Variants in CFAP95 observed in about 807,000 individuals in gnomAD.
The protein encoded by CFAP95 is cilia- and flagella-associated protein 95.
the CFAP95 span, among the ~76,000 whole-genome samples, chr9:69,875,926 A>C: frequency 2.6e-5 from 4 of 152,222 alleles, no homozygotes; most frequent in South Asian, 4.1e-4. Flanking sequence ...AGGCCACAGT[A>C]ACTGTCATTA....
chr9:69,838,114 A>G, the CFAP95 span, among the ~76,000 whole-genome samples: 3 of 152,194 alleles, frequency 2.0e-5, no homozygotes, highest in African/African-American at 7.2e-5. Flanking sequence ...TACCAGTACC[A>G]TGCTGTTTTG....
chr9:69,838,208 A>G, the CFAP95 span, among the ~76,000 whole-genome samples: 2,121 of 152,182 alleles, frequency 0.014, 57 homozygotes, highest in African/African-American at 0.048. Flanking sequence ...TTGACTTGGC[A>G]ATGCGGGCTC....
chr9:69,829,739 A>G, the CFAP95 span, among the ~76,000 whole-genome samples: 1 of 152,188 alleles, frequency 6.6e-6, no homozygotes, highest in African/African-American at 2.4e-5. Flanking sequence ...GGAAGTTAGA[A>G]GAATGTGGGG....
chr9:69,865,462 C>CGAAA, the CFAP95 span, among the ~76,000 whole-genome samples: 1 of 152,236 alleles, frequency 6.6e-6, no homozygotes, highest in Non-Finnish European at 1.5e-5. Flanking sequence ...GTCTGGCCAG[C>CGAAA]TTTCTTCTTT....
At chr9:69,834,051 A>G in the CFAP95 span, among the ~76,000 whole-genome samples, 18 of 152,320 alleles carry the variant, frequency 1.2e-4, no homozygotes, top group East Asian at 1.7e-3. Flanking sequence ...AGCCAGTAAG[A>G]TTAAGACTAT....
the CFAP95 span, chr9:69,856,546 T>C: frequency 1.3e-6 from 2 of 1,555,360 alleles, no homozygotes; most frequent in Non-Finnish European, 1.8e-6. Context: ...GTGGCTTCTA[T>C]GTTTCCAGAT....
the CFAP95 span, among the ~76,000 whole-genome samples, chr9:69,838,567 T>C: frequency 1.3e-5 from 2 of 151,856 alleles, no homozygotes; most frequent in African/African-American, 4.8e-5. Flanking sequence ...GCTTGTGATT[T>C]TTATACATTG....
the CFAP95 span, among the ~76,000 whole-genome samples, chr9:69,892,649 C>A: frequency 6.6e-6 from 1 of 152,166 alleles, no homozygotes; most frequent in African/African-American, 2.4e-5. Context: ...CCTGCCTGAA[C>A]GTTGCCTTTT....
the CFAP95 span, among the ~76,000 whole-genome samples, chr9:69,823,555 G>A: frequency 6.6e-6 from 1 of 152,108 alleles, no homozygotes; most frequent in South Asian, 2.1e-4. Context: ...GATTACATGA[G>A]GTATGATATG....
the CFAP95 span, among the ~76,000 whole-genome samples, chr9:69,874,894 G>T: frequency 6.6e-6 from 1 of 152,120 alleles, no homozygotes; most frequent in Non-Finnish European, 1.5e-5. Flanking sequence ...AGTAAGTCCG[G>T]GTTGGTGGAT....
At chr9:69,846,845 G>T in the CFAP95 span, among the ~76,000 whole-genome samples, 2 of 152,206 alleles carry the variant, frequency 1.3e-5, no homozygotes, top group African/African-American at 4.8e-5. Context: ...ACCTAGGCAG[G>T]ACCTGCTAAG....
the CFAP95 span, among the ~76,000 whole-genome samples, chr9:69,836,899 G>C: frequency 4.1e-5 from 4 of 97,598 alleles, no homozygotes; most frequent in African/African-American, 1.6e-4. Context: ...CCCCACAACA[G>C]TCCCCAGAGT....
the CFAP95 span, among the ~76,000 whole-genome samples, chr9:69,823,337 G>C: frequency 7.9e-5 from 12 of 152,166 alleles, no homozygotes; most frequent in Non-Finnish European, 1.5e-4. Context: ...CTCCCGATGT[G>C]GGGATTACAA....
At chr9:69,899,625 A>G in the CFAP95 span, among the ~76,000 whole-genome samples, 2 of 152,218 alleles carry the variant, frequency 1.3e-5, no homozygotes, top group African/African-American at 4.8e-5. Flanking sequence ...GGCTTTCAGG[A>G]TAAGAATTCC....
chr9:69,851,644 A>G, the CFAP95 span, among the ~76,000 whole-genome samples: 38 of 152,292 alleles, frequency 2.5e-4, no homozygotes, highest in African/African-American at 7.7e-4. Context: ...TGGTTTTGTC[A>G]TCTCAGAGTG....
At chr9:69,877,849 TG>T in the CFAP95 span, among the ~76,000 whole-genome samples, 2 of 152,202 alleles carry the variant, frequency 1.3e-5, no homozygotes, top group South Asian at 4.1e-4. Flanking sequence ...GAAATGCTAA[TG>T]GAGGACTTCT....
chr9:69,865,540 C>G, the CFAP95 span, among the ~76,000 whole-genome samples: 1 of 152,100 alleles, frequency 6.6e-6, no homozygotes, highest in African/African-American at 2.4e-5. Context: ...TGACTCTGTT[C>G]CCCATTTCTA....
chr9:69,830,948 T>A, the CFAP95 span, among the ~76,000 whole-genome samples: 1 of 152,206 alleles, frequency 6.6e-6, no homozygotes, highest in African/African-American at 2.4e-5. Context: ...ATGTGTGCCA[T>A]TGCATCCAGA....
the CFAP95 span, among the ~76,000 whole-genome samples, chr9:69,862,688 G>A: frequency 4.6e-5 from 7 of 152,278 alleles, no homozygotes; most frequent in African/African-American, 1.7e-4. Flanking sequence ...AGAAAAATCA[G>A]GATAAGGTAT....
Sources: allele counts gnomAD v4.1 joint callset (sites outside exome capture counted in the v4.1 genomes callset), GRCh38; gene constraint gnomAD v4.1.1; transcripts MANE v1.5; gene names NCBI Gene and HGNC (gene_info 2026-07-23, HGNC 2026-07-21).